KCNN1: variants seen among roughly 807,000 people sequenced by gnomAD.
KCNN1 encodes small conductance calcium-activated potassium channel protein 1.
A neutral mutation model predicts 44.7 loss-of-function variants in KCNN1; 20 were observed. That is an observed-to-expected ratio of 0.45 (90% confidence interval 0.32 to 0.65). KCNN1 has a LOEUF of 0.65. Ranked by LOEUF, KCNN1 falls within the 30% of genes least tolerant of loss-of-function variation. KCNN1 has a pLI of 0.05. For missense variants in KCNN1, 632 were observed against 785.3 expected (o/e 0.80, Z 2.33); for synonymous variants, 324 against 341.7 (o/e 0.95, Z 0.57).
chr19:17,978,424 GTTTTTTTTTT>G (rs936725904), intron 3 of KCNN1, among the ~76,000 whole-genome samples: 2 of 117,032 alleles, frequency 1.7e-5, no homozygotes, highest in African/African-American at 3.2e-5. Context: ...TGCCCAGCCT[GTTTTTTTTTT>G]TTTTTTTTTT....
rs145896534 is a variant in KCNN1 at position 17,986,310 on chromosome 19, C to T, written c.1059+857C>T. Among the ~76,000 whole-genome samples, 355 of 151,032 alleles carry T rather than the reference C, an allele frequency of 2.4e-3. 1 individual carries two copies. Among genetic ancestry groups the T allele is most frequent in the African/African-American group, 8.0e-3 (328 of 41,094 alleles). On this transcript the variant is annotated intron_variant, in intron 5 of 9. Coordinates refer to ENST00000684775, the MANE Select transcript of KCNN1 (RefSeq NM_001386974.1). ...CCCAGGAGGCAGAGGTTGTGGTGAG[C>T]GGAGATCACGTCATTGCACTCCAGC...
rs769491596 is a variant in KCNN1, at chr19:17,981,780, G to A, written c.570G>A (p.Ser190=). The stretch of plus-strand genomic sequence containing the variant: ...CCTGCGAGCGCGTGTTCCTCATCTC[G>A]CTAGAGCTGGCAGTGTGCGCCATTC... The part of the protein sequence containing the change: ...AMTCERVFLI[S]LELAVCAIHP... The change falls in exon 4 of 10, where the codon TCG becomes TCA. Residue 190 remains serine (S), a synonymous_variant. Transcript: ENST00000684775. 8.7e-6 allele frequency: 14 copies of A among 1,612,642 alleles called. No individual in the cohort carries two copies. In the Admixed American group the frequency reaches 1.2e-4, roughly 13 times the overall value.
chr19:17,999,808 G>T lies in KCNN1; in HGVS notation c.*1402G>T, dbSNP rs932789141. 8.4e-6 allele frequency: 3 copies of T among 355,142 alleles called. No individual in the cohort carries two copies. The highest frequency in any genetic ancestry group is 2.1e-5 in the African/African-American group (1 of 46,972). The allele number at this position is 355,142 out of a possible 1,614,324, so 22.0% of individuals were successfully genotyped here. A position where few individuals can be genotyped will look rare whatever the true frequency, so the allele number is the denominator to read the frequency against. On this transcript the variant is annotated 3_prime_UTR_variant, in exon 10 of 10. Transcript: ENST00000684775. The stretch of plus-strand genomic sequence containing the variant: ...GCAGCCTCTGATAAGGCCATCCATC[G>T]CCTGGCTCAACGAGATAACTAGGCC...
chr19:17,973,801 C>T lies in KCNN1; in HGVS notation c.-81-7C>T. ...TGCTGTGACCATGTCCCTCTGTGCCCTTGCAGGTCAGTGCAGGAGCCCAGC... is the reference window on the plus strand; with the variant it reads ...TGCTGTGACCATGTCCCTCTGTGCCTTTGCAGGTCAGTGCAGGAGCCCAGC... On this transcript the variant is annotated splice_region_variant and splice_polypyrimidine_tract_variant and intron_variant, in intron 1 of 9. Coordinates refer to ENST00000684775, the MANE Select transcript of KCNN1 (RefSeq NM_001386974.1). The T allele has an allele frequency of 6.6e-7, 1 of 1,504,428 alleles. No individual in the cohort carries two copies. Among genetic ancestry groups the T allele is most frequent in the Non-Finnish European group, 8.8e-7 (1 of 1,133,674 alleles). 93.2% of individuals were successfully genotyped at this position (1,504,428 alleles called of 1,614,324 possible). A position where few individuals can be genotyped will look rare whatever the true frequency, so the allele number is the denominator to read the frequency against.
rs542503590 is a variant in KCNN1 at position 17,980,124 on chromosome 19, C to T, written c.499-1585C>T. Among the ~76,000 whole-genome samples the T allele has an allele frequency of 2.9e-3, 436 of 148,378 alleles. 1 individual carries two copies. The highest frequency in any genetic ancestry group is 4.2e-3 in the Non-Finnish European group (285 of 67,400). ...TGTTGCCCAGGCTGGAGTGCAGTGGCGCAATCTTGGCTCACTGCAACCTCT... is the reference window on the plus strand; with the variant it reads ...TGTTGCCCAGGCTGGAGTGCAGTGGTGCAATCTTGGCTCACTGCAACCTCT... On this transcript the variant is annotated intron_variant, in intron 3 of 9. Coordinates refer to ENST00000684775, the MANE Select transcript of KCNN1 (RefSeq NM_001386974.1).
chr19:17,961,185 CAAA>C (rs202142379), intron 2 of KCNN1, among the ~76,000 whole-genome samples: 3 of 91,388 alleles, frequency 3.3e-5, no homozygotes, highest in African/African-American at 4.3e-5. Flanking sequence ...GACTCTGACT[CAAA>C]AAAAAAAAAA....
intron 2 of KCNN1, among the ~76,000 whole-genome samples, chr19:17,959,701 T>A (rs2031633791): frequency 6.6e-6 from 1 of 152,072 alleles, no homozygotes; most frequent in Non-Finnish European, 1.5e-5. Flanking sequence ...TGGGACCCTG[T>A]CTCTTAAAAA....
At chr19:17,995,355 G>A (rs2032947472) in intron 9 of KCNN1, among the ~76,000 whole-genome samples, 1 of 151,930 alleles carries the variant, frequency 6.6e-6, no homozygotes, top group African/African-American at 2.4e-5. Flanking sequence ...TGTATTTTTT[G>A]TAGAGATGGG....
chr19:17,983,044 G>A lies in KCNN1; in HGVS notation c.917+917G>A, dbSNP rs1832352262. On this transcript the variant is annotated intron_variant, in intron 4 of 9. Transcript: ENST00000684775. The surrounding 1 kb of genome is among the most constrained non-coding windows in gnomAD (Gnocchi z 4.5). ...AAAAAAAGACAAATAAATGGGTCTG[G>A]GATGAAGGAAAACCGGCCGTGCCTT... Among the ~76,000 whole-genome samples, 2 of 152,078 alleles carry A rather than the reference G, an allele frequency of 1.3e-5. No individual in the cohort carries two copies. Among genetic ancestry groups the A allele is most frequent in the Non-Finnish European group, 2.9e-5 (2 of 67,976 alleles).
At position 17,998,462 on chromosome 19, in the gene KCNN1, C is replaced by G; in HGVS notation, c.*56C>G. The G allele has an allele frequency of 2.1e-6, 3 of 1,433,512 alleles. No homozygotes were observed. Among genetic ancestry groups the G allele is most frequent in the South Asian group, 1.5e-5 (1 of 68,452 alleles). The allele number at this position is 1,433,512 out of a possible 1,614,324, so 88.8% of individuals were successfully genotyped here. A position where few individuals can be genotyped will look rare whatever the true frequency, so the allele number is the denominator to read the frequency against. ...TTGGCCATCGTGTGGCCGCCACCTC[C>G]GGGAAGCCTTGTACAGTGGCGCCTC... is the stretch of plus-strand genomic sequence containing the variant. On this transcript the variant is annotated 3_prime_UTR_variant, in exon 10 of 10. Transcript: ENST00000684775. This position sits in a 1 kb window ranked among gnomAD's most constrained non-coding sequence, Gnocchi z 5.4.
chr19:17,953,051 G>A (rs2031455617), intron 1 of KCNN1, among the ~76,000 whole-genome samples: 1 of 152,138 alleles, frequency 6.6e-6, no homozygotes, highest in Admixed American at 6.5e-5. Context: ...AGAACTGGGG[G>A]GATTCCTTAC....
At chr19:17,967,840 G>C (rs948121095) in intron 1 of KCNN1, among the ~76,000 whole-genome samples, 27 of 152,014 alleles carry the variant, frequency 1.8e-4, no homozygotes, top group Admixed American at 1.7e-3. Flanking sequence ...GGGTCTGAGC[G>C]GTGAGGCTGA....
chr19:17,981,504 A>T (rs1164823514), intron 3 of KCNN1, among the ~76,000 whole-genome samples: 1 of 150,986 alleles, frequency 6.6e-6, no homozygotes, highest in Non-Finnish European at 1.5e-5. Flanking sequence ...GTGAGCAGAG[A>T]TCGTGCCACT....
chr19:17,993,042 C>A lies in KCNN1; in HGVS notation c.1299-12C>A. ...CTTGTGATTTTTCTCCTGCTCTGCC[C>A]GGTCCTGCCAGGGCTCAGAAGTAAG... On this transcript the variant is annotated splice_polypyrimidine_tract_variant and intron_variant, in intron 7 of 9. Transcript: ENST00000684775. This position sits in a 1 kb window ranked among gnomAD's most constrained non-coding sequence, Gnocchi z 4.5. 6.2e-7 allele frequency: 1 copy of A among 1,613,552 alleles called. No individual in the cohort carries two copies. Among genetic ancestry groups the A allele is most frequent in the Non-Finnish European group, 8.5e-7 (1 of 1,179,718 alleles).
At chr19:17,955,296 T>C (rs1599989344) in intron 2 of KCNN1, among the ~76,000 whole-genome samples, 1 of 149,060 alleles carries the variant, frequency 6.7e-6, no homozygotes, top group South Asian at 2.1e-4. Context: ...CGTGGTGGCT[T>C]ACGCTTGTAA....
chr19:17,981,564 AAAAAGAAAG>A, intron 3 of KCNN1, 136 bp from the exon 4 acceptor site: 2 of 706,492 alleles, frequency 2.8e-6, no homozygotes, highest in Non-Finnish European at 2.2e-6. Context: ...AAAAAAAAAA[AAAAAGAAAG>A]AAAGAAAGAA....
At chr19:17,988,619 A>G (rs2145962896) in intron 6 of KCNN1, 94 bp downstream of exon 6, 6 of 930,138 alleles carry the variant, frequency 6.5e-6, no homozygotes, top group East Asian at 2.6e-5. Flanking sequence ...GGGCATGCTC[A>G]TGTGCCCATG....
rs143123004 is a variant in KCNN1 at position 17,998,567 on chromosome 19, G to C, written c.*161G>C. ...GCCCAGACTGCCCAGGCAGAGGGCA[G>C]GGCTGGACCATGGGTGAGGGCAGGG... On this transcript the variant is annotated 3_prime_UTR_variant, in exon 10 of 10. Transcript: ENST00000684775. The surrounding 1 kb of genome is among the most constrained non-coding windows in gnomAD (Gnocchi z 5.4). 0.026 allele frequency: 19,153 copies of C among 739,994 alleles called. 337 individuals are homozygous for C. The highest frequency in any genetic ancestry group is 0.071 in the East Asian group (2,389 of 33,604). 45.8% of individuals were successfully genotyped at this position (739,994 alleles called of 1,614,324 possible).
chr19:17,975,449 A>G (rs576582680), intron 3 of KCNN1, among the ~76,000 whole-genome samples: 44 of 152,290 alleles, frequency 2.9e-4, no homozygotes, highest in Admixed American at 7.9e-4. Flanking sequence ...ACTCTGGGAC[A>G]CACGGGTTGT....
Sources: gnomAD v4.1 joint callset for allele counts (sites outside exome capture counted in the v4.1 genomes callset) on GRCh38, gnomAD v4.1.1 for gene constraint, Gnocchi (gnomAD v3.1) non-coding constraint, MANE v1.5 for transcripts, NCBI Gene and HGNC (gene_info 2026-07-23, HGNC 2026-07-21) for gene names.